The following SIX1 variants were observed in gnomAD, a reference collection of about 807,000 sequenced individuals.
SIX1 encodes the protein homeobox protein SIX1.
A neutral mutation model predicts 26.5 loss-of-function variants in SIX1; 11 were observed. The ratio of observed to expected loss-of-function variants is 0.41; its 90% CI spans 0.26 to 0.69. SIX1 has a LOEUF of 0.69. Ranked by LOEUF, SIX1 falls within the 30% of genes least tolerant of loss-of-function variation. The pLI, the probability that SIX1 is intolerant of heterozygous loss-of-function variation, is 0.28. For synonymous variants in SIX1, 177 were observed against 166.2 expected, an observed-to-expected ratio of 1.06 and a Z score of -0.50; for missense variants, 333 against 365.9, an observed-to-expected ratio of 0.91 and a Z score of 0.73.
Position 60,644,116 on chromosome 14 carries a change from CA to C in SIX1, c.*2166del, listed in dbSNP as rs1566720194. On this transcript the variant is annotated 3_prime_UTR_variant, in exon 2 of 2. Transcript: ENST00000645694. ...AAAGTAATTGGCCCTTCCTATTTTC[CA>C]GAGAGATTTCCGCAGCGTCCTTTGA... 2 of 152,150 alleles carry C rather than the reference CA, an allele frequency of 1.3e-5. No homozygotes were observed. Among genetic ancestry groups the C allele is most frequent in the African/African-American group, 4.8e-5 (2 of 41,414 alleles). 9.4% of individuals were successfully genotyped at this position (152,150 alleles called of 1,614,324 possible).
chr14:60,646,118 T>A lies in SIX1; in HGVS notation c.*165A>T. On this transcript the variant is annotated 3_prime_UTR_variant, in exon 2 of 2. Transcript: ENST00000645694. The stretch of plus-strand genomic sequence containing the variant: ...AGATTAAGCTTGAGATCGCTGTTGG[T>A]TTTGATTTTTAAAAAGATATTTGTG... The A allele has an allele frequency of 3.1e-6, 2 of 645,112 alleles. No individual in the cohort carries two copies. The highest frequency in any genetic ancestry group is 5.6e-5 in the East Asian group (2 of 35,804). 40.0% of individuals were successfully genotyped at this position (645,112 alleles called of 1,614,324 possible). A position where few individuals can be genotyped will look rare whatever the true frequency, so the allele number is the denominator to read the frequency against.
In SIX1 at chr14:60,646,139, T is replaced by C. The variant is rs113680815; in HGVS notation, c.*144A>G. 2.0e-4 allele frequency: 143 copies of C among 708,518 alleles called. 3 individuals carry two copies. Among genetic ancestry groups the C allele is most frequent in the African/African-American group, 1.6e-3 (88 of 56,016 alleles). The allele number at this position is 708,518 out of a possible 1,614,324, so 43.9% of individuals were successfully genotyped here. ...TTGGTTTTGATTTTTAAAAAGATATTTGTGAAAGTCCACCATTCCTTTATG... is the reference window on the plus strand; with the variant it reads ...TTGGTTTTGATTTTTAAAAAGATATCTGTGAAAGTCCACCATTCCTTTATG... On this transcript the variant is annotated 3_prime_UTR_variant, in exon 2 of 2. Coordinates refer to ENST00000645694, the MANE Select transcript of SIX1 (RefSeq NM_005982.4).
In SIX1 at chr14:60,647,435, C is replaced by T. The variant is rs1460369702; in HGVS notation, c.561-858G>A. On this transcript the variant is annotated intron_variant, in intron 1 of 1. Transcript: ENST00000645694. This position sits in a 1 kb window ranked among gnomAD's most constrained non-coding sequence, Gnocchi z 5.1. ...GGCGCGGCGCGCTGGGGCGTCAGTC[C>T]GGGCACTCGGTACCGGTTAACTTCA... Among the ~76,000 whole-genome samples, 1 of 152,208 alleles carries T rather than the reference C, an allele frequency of 6.6e-6. No individual in the cohort carries two copies. Among genetic ancestry groups the T allele is most frequent in the Non-Finnish European group, 1.5e-5 (1 of 68,026 alleles).
chr14:60,648,761 G>C lies in SIX1; in HGVS notation c.429C>G (p.Tyr143Ter). 6.2e-7 allele frequency: 1 copy of C among 1,614,122 alleles called. No individual in the cohort carries two copies. Among genetic ancestry groups the C allele is most frequent in the South Asian group, 1.1e-5 (1 of 91,078 alleles). The change falls in exon 1 of 2, where the codon TAC becomes TAG. Residue 143 changes from tyrosine (Y) to a stop codon, truncating the protein, a stop_gained. Transcript: ENST00000645694. LOFTEE classifies it high-confidence loss of function. This position sits in a 1 kb window ranked among gnomAD's most constrained non-coding sequence, Gnocchi z 7.9. ...GCGGCGATGGGTAGGGATTGTGCGC[G>C]TACCACTCCCGCAGGACACCCCTCG... ...EKSRGVLREW[Y>*]AHNPYPSPRE...
rs912958106 is a variant in SIX1, at chr14:60,648,478, T to C, written c.560+152A>G. The C allele has an allele frequency of 2.8e-6, 2 of 706,038 alleles. No individual in the cohort carries two copies. Among genetic ancestry groups the C allele is most frequent in the Non-Finnish European group, 2.3e-6 (1 of 427,960 alleles). 43.7% of individuals were successfully genotyped at this position (706,038 alleles called of 1,614,324 possible). A position where few individuals can be genotyped will look rare whatever the true frequency, so the allele number is the denominator to read the frequency against. On this transcript the variant is annotated intron_variant, in intron 1 of 1. Transcript: ENST00000645694. This position sits in a 1 kb window ranked among gnomAD's most constrained non-coding sequence, Gnocchi z 7.9. Reference sequence around the variant, plus strand: ...AACCTCAGAGTTCATGAACTTTCGCTGCAGCGCCGCGGAGGGCCTGCGCGC... The same window carrying C: ...AACCTCAGAGTTCATGAACTTTCGCCGCAGCGCCGCGGAGGGCCTGCGCGC...
In SIX1 at chr14:60,648,564, G is replaced by C; in HGVS notation, c.560+66C>G. 6.7e-7 allele frequency: 1 copy of C among 1,482,432 alleles called. No homozygotes were observed. Among genetic ancestry groups the C allele is most frequent in the Non-Finnish European group, 9.2e-7 (1 of 1,088,690 alleles). 91.8% of individuals were successfully genotyped at this position (1,482,432 alleles called of 1,614,324 possible). On this transcript the variant is annotated intron_variant, in intron 1 of 1. Transcript: ENST00000645694. This position sits in a 1 kb window ranked among gnomAD's most constrained non-coding sequence, Gnocchi z 7.9. Reference sequence around the variant, plus strand: ...TTGGTGGCTGGTGCCTGCGGGGGCGGGAGGGGGCGGAGGAGAAAGGACGGC... The same window carrying C: ...TTGGTGGCTGGTGCCTGCGGGGGCGCGAGGGGGCGGAGGAGAAAGGACGGC...
Position 60,646,391 on chromosome 14 carries a change from C to T in SIX1, c.747G>A (p.Pro249=). ...GACTGGGCTGCGAGGCTGTTAAGCC[C>T]GGGAGAGAATAGTTTGAGCTCCTGG... The part of the protein sequence containing the change: ...GHARSSNYSL[P]GLTASQPSHG... Residue 249 remains proline (P), a synonymous_variant, in exon 2 of 2, where the codon CCG becomes CCA. Coordinates refer to ENST00000645694, the MANE Select transcript of SIX1 (RefSeq NM_005982.4). The T allele has an allele frequency of 1.2e-6, 2 of 1,613,844 alleles. No homozygotes were observed. Among genetic ancestry groups the T allele is most frequent in the Non-Finnish European group, 8.5e-7 (1 of 1,179,982 alleles).
rs917974275 is a variant in SIX1, at chr14:60,648,477, C to T, written c.560+153G>A. 7.2e-5 allele frequency among the ~76,000 whole-genome samples: 11 copies of T among 152,222 alleles called. No individual in the cohort carries two copies. The highest frequency in any genetic ancestry group is 2.7e-4 in the African/African-American group (11 of 41,450). ...GAACCTCAGAGTTCATGAACTTTCG[C>T]TGCAGCGCCGCGGAGGGCCTGCGCG... is the stretch of plus-strand genomic sequence containing the variant. On this transcript the variant is annotated intron_variant, in intron 1 of 1. Transcript: ENST00000645694. The surrounding 1 kb of genome is among the most constrained non-coding windows in gnomAD (Gnocchi z 7.9).
rs760736490 is a variant in SIX1, at chr14:60,649,078, G to C, written c.112C>G (p.Pro38Ala). 1 of 1,613,586 alleles carries C rather than the reference G, an allele frequency of 6.2e-7. No individual in the cohort carries two copies. The change falls in exon 1 of 2, where the codon CCC (proline) becomes GCC (alanine). Residue 38 changes from proline (P) to alanine (A), a missense_variant. Physicochemically the swap from Pro to Ala is conservative, Grantham distance 27 (BLOSUM62 -1). Coordinates refer to ENST00000645694, the MANE Select transcript of SIX1 (RefSeq NM_005982.4). The surrounding 1 kb of genome is among the most constrained non-coding windows in gnomAD (Gnocchi z 5.1). Reference sequence around the variant, plus strand: ...TTCTTGTGCAGGTGGTCGCAGGCGGGCAGTGACCACAGGAACCTGCCCAGG... The same window carrying C: ...TTCTTGTGCAGGTGGTCGCAGGCGGCCAGTGACCACAGGAACCTGCCCAGG... The part of the protein sequence containing the change: ...ERLGRFLWSL[P>A]ACDHLHKNES...
In SIX1 at chr14:60,646,034, T is replaced by TTA; in HGVS notation, c.*248_*249insTA. ...TTGTTTGGGTTTTTTTTTTTTTTTT[T>TTA]CCCTGATCTCTGCATTGGGAAGGAA... On this transcript the variant is annotated 3_prime_UTR_variant, in exon 2 of 2. Coordinates refer to ENST00000645694, the MANE Select transcript of SIX1 (RefSeq NM_005982.4). The TTA allele has an allele frequency of 3.5e-6, 1 of 285,222 alleles. No homozygotes were observed. The highest frequency in any genetic ancestry group is 5.5e-5 in the East Asian group (1 of 18,210). 17.7% of individuals were successfully genotyped at this position (285,222 alleles called of 1,614,324 possible). A position where few individuals can be genotyped will look rare whatever the true frequency, so the allele number is the denominator to read the frequency against.
chr14:60,646,484 C>T lies in SIX1; in HGVS notation c.654G>A (p.Glu218=), dbSNP rs774852619. 1 of 1,613,848 alleles carries T rather than the reference C, an allele frequency of 6.2e-7. No individual in the cohort carries two copies. Among genetic ancestry groups the T allele is most frequent in the Admixed American group, 1.7e-5 (1 of 59,994 alleles). Residue 218 remains glutamate, a synonymous_variant, in exon 2 of 2, where the codon GAG becomes GAA. Transcript: ENST00000645694. ...CTGGACTTTGGGGAGGTGAGAATTC[C>T]TCTTCTGAGCTGGACATGAGCGGCT... ...GGKPLMSSSE[E]EFSPPQSPDQ... is the part of the protein sequence containing the mutation.
intron 1 of SIX1, 144 bp from the exon 2 acceptor site, chr14:60,646,721 G>T: frequency 1.4e-6 from 1 of 732,684 alleles, no homozygotes; most frequent in Non-Finnish European, 2.2e-6. Context: ...AAATGGAGGA[G>T]CTCTACCCTT....
At position 60,644,522 on chromosome 14, in the gene SIX1, C is replaced by G. The variant is rs1413292841; in HGVS notation, c.*1761G>C. 1 of 152,146 alleles carries G rather than the reference C, an allele frequency of 6.6e-6. No individual in the cohort carries two copies. The highest frequency in any genetic ancestry group is 1.5e-5 in the Non-Finnish European group (1 of 68,026). The allele number at this position is 152,146 out of a possible 1,614,324, so 9.4% of individuals were successfully genotyped here. ...TTAAAAAATAAGGCCTTGATTTCCCCAAGCACACCTCAGTTTTCTAGACCA... is the reference window on the plus strand; with the variant it reads ...TTAAAAAATAAGGCCTTGATTTCCCGAAGCACACCTCAGTTTTCTAGACCA... On this transcript the variant is annotated 3_prime_UTR_variant, in exon 2 of 2. Coordinates refer to ENST00000645694, the MANE Select transcript of SIX1 (RefSeq NM_005982.4).
rs1417184004 is a variant in SIX1, at chr14:60,646,061, A to G, written c.*222T>C. On this transcript the variant is annotated 3_prime_UTR_variant, in exon 2 of 2. Coordinates refer to ENST00000645694, the MANE Select transcript of SIX1 (RefSeq NM_005982.4). ...CCTGATCTCTGCATTGGGAAGGAAA[A>G]TGCAAAAGTGGAAAGAGTTGGAGAG... 17 of 457,466 alleles carry G rather than the reference A, an allele frequency of 3.7e-5. No individual in the cohort carries two copies. Among genetic ancestry groups the G allele is most frequent in the Non-Finnish European group, 5.7e-5 (15 of 262,346 alleles). The allele number at this position is 457,466 out of a possible 1,614,324, so 28.3% of individuals were successfully genotyped here. A position where few individuals can be genotyped will look rare whatever the true frequency, so the allele number is the denominator to read the frequency against.
In SIX1 at chr14:60,647,724, C is replaced by A. The variant is rs1174717271; in HGVS notation, c.560+906G>T. Among the ~76,000 whole-genome samples the A allele has an allele frequency of 6.6e-6, 1 of 152,170 alleles. No homozygotes were observed. The highest frequency in any genetic ancestry group is 2.4e-5 in the African/African-American group (1 of 41,436). On this transcript the variant is annotated intron_variant, in intron 1 of 1. Coordinates refer to ENST00000645694, the MANE Select transcript of SIX1 (RefSeq NM_005982.4). This position sits in a 1 kb window ranked among gnomAD's most constrained non-coding sequence, Gnocchi z 5.1. ...TTTTCCCCCAAACTCTTTGGCTTCG[C>A]GGAGCGCTCTCCCCGCCACAGCCAC...
rs544714667 is a variant in SIX1, at chr14:60,644,641, A to G, written c.*1642T>C. The G allele has an allele frequency of 6.6e-6, 1 of 152,390 alleles. No homozygotes were observed. The highest frequency in any genetic ancestry group is 2.1e-4 in the South Asian group (1 of 4,830). 9.4% of individuals were successfully genotyped at this position (152,390 alleles called of 1,614,324 possible). A position where few individuals can be genotyped will look rare whatever the true frequency, so the allele number is the denominator to read the frequency against. On this transcript the variant is annotated 3_prime_UTR_variant, in exon 2 of 2. Transcript: ENST00000645694. ...CAAAATTATGAAACTGTCATGTCAG[A>G]AAATAAATAGATTCTCCCTGGGGAA... is the stretch of plus-strand genomic sequence containing the variant.
At position 60,648,545 on chromosome 14, in the gene SIX1, G is replaced by GCTGGTGC; in HGVS notation, c.560+78_560+84dup. ...TCCGGCCGGCGGGGAGGACTTGGTGGCTGGTGCCTGCGGGGGCGGGAGGGG... is the reference window on the plus strand; with the variant it reads ...TCCGGCCGGCGGGGAGGACTTGGTGGCTGGTGCCTGGTGCCTGCGGGGGCGGGAGGGG... On this transcript the variant is annotated intron_variant, in intron 1 of 1. Transcript: ENST00000645694. This position sits in a 1 kb window ranked among gnomAD's most constrained non-coding sequence, Gnocchi z 7.9. 1 of 1,379,174 alleles carries GCTGGTGC rather than the reference G, an allele frequency of 7.3e-7. No homozygotes were observed. The highest frequency in any genetic ancestry group is 1.0e-6 in the Non-Finnish European group (1 of 1,000,210). The allele number at this position is 1,379,174 out of a possible 1,614,324, so 85.4% of individuals were successfully genotyped here.
chr14:60,646,376 C>T lies in SIX1; in HGVS notation c.762G>A (p.Ser254=). The change falls in exon 2 of 2, where the codon TCG becomes TCA. Residue 254 remains serine (S), a synonymous_variant. Transcript: ENST00000645694. ...SNYSLPGLTA[S]QPSHGLQTHQ... is the part of the protein sequence containing the mutation. ...GGGTCTGCAGGCCGTGACTGGGCTGCGAGGCTGTTAAGCCCGGGAGAGAAT... is the reference window on the plus strand; with the variant it reads ...GGGTCTGCAGGCCGTGACTGGGCTGTGAGGCTGTTAAGCCCGGGAGAGAAT... The T allele has an allele frequency of 6.2e-7, 1 of 1,613,914 alleles. No homozygotes were observed. The highest frequency in any genetic ancestry group is 8.5e-7 in the Non-Finnish European group (1 of 1,179,998).
rs991454260 is a variant in SIX1, at chr14:60,645,881, T to C, written c.*402A>G. The C allele has an allele frequency of 1.1e-4, 17 of 156,870 alleles. No individual in the cohort carries two copies. Among genetic ancestry groups the C allele is most frequent in the African/African-American group, 3.4e-4 (14 of 41,534 alleles). 9.7% of individuals were successfully genotyped at this position (156,870 alleles called of 1,614,324 possible). On this transcript the variant is annotated 3_prime_UTR_variant, in exon 2 of 2. Coordinates refer to ENST00000645694, the MANE Select transcript of SIX1 (RefSeq NM_005982.4). This position sits in a 1 kb window ranked among gnomAD's most constrained non-coding sequence, Gnocchi z 4.6. ...CTTTCCCTCTTCACATTTCTCCATATATAAATTAAAAGGAAATAATGAAAA... is the reference window on the plus strand; with the variant it reads ...CTTTCCCTCTTCACATTTCTCCATACATAAATTAAAAGGAAATAATGAAAA...
Sources: gnomAD v4.1 joint callset for allele counts (sites outside exome capture counted in the v4.1 genomes callset) on GRCh38, gnomAD v4.1.1 for gene constraint, Gnocchi (gnomAD v3.1) non-coding constraint, MANE v1.5 for transcripts, NCBI Gene and HGNC (gene_info 2026-07-23, HGNC 2026-07-21) for gene names.